GRID2: variants seen among roughly 807,000 people sequenced by gnomAD.
GRID2 encodes glutamate receptor ionotropic, delta-2.
GRID2 carries 33 observed loss-of-function variants against 114.8 expected under a neutral mutation model. The ratio of observed to expected loss-of-function variants is 0.29; its 90% confidence interval spans 0.22 to 0.38. GRID2 has a LOEUF of 0.38. GRID2 is among the 10% of genes least tolerant of loss of function. The probability of loss-of-function intolerance (pLI) is 1.00; values close to 1 mark genes in which losing one functional copy is unlikely to be tolerated. For synonymous variants in GRID2, 505 were observed against 449.9 expected, an observed-to-expected ratio of 1.12 and a Z score of -1.55; for missense variants, 1,184 against 1,257.7, an observed-to-expected ratio of 0.94 and a Z score of 0.89.
intron 13 of GRID2, among the ~76,000 whole-genome samples, chr4:93,566,829 A>AT (rs750553700): frequency 6.6e-6 from 1 of 152,242 alleles, no homozygotes; most frequent in East Asian, 1.9e-4. Context: ...CAAAGAATGA[A>AT]TTTTTTTATA....
At chr4:92,596,631 C>T (rs767084812) in intron 2 of GRID2, among the ~76,000 whole-genome samples, 3 of 151,414 alleles carry the variant, frequency 2.0e-5, no homozygotes, top group Non-Finnish European at 4.4e-5. Context: ...TAGTGTCCAT[C>T]ATCAATGTAG....
At chr4:92,331,728 G>A (rs1346699730) in intron 1 of GRID2, among the ~76,000 whole-genome samples, 1 of 152,118 alleles carries the variant, frequency 6.6e-6, no homozygotes, top group African/African-American at 2.4e-5. Flanking sequence ...ACATAACACT[G>A]TAATCTTCTA....
chr4:92,646,708 T>G (rs1353011658), intron 2 of GRID2, among the ~76,000 whole-genome samples: 1 of 152,238 alleles, frequency 6.6e-6, no homozygotes, highest in Non-Finnish European at 1.5e-5. Flanking sequence ...AAAACTATTT[T>G]CATGGTGTCT....
intron 14 of GRID2, among the ~76,000 whole-genome samples, chr4:93,748,142 C>T (rs1433336875): frequency 6.6e-6 from 1 of 151,830 alleles, no homozygotes; most frequent in Non-Finnish European, 1.5e-5. Context: ...TAAAATTAAC[C>T]ATAATTTCAC....
intron 2 of GRID2, among the ~76,000 whole-genome samples, chr4:92,951,374 C>T (rs1474310384): frequency 2.7e-5 from 4 of 146,600 alleles, no homozygotes. Context: ...TATTTTGAGA[C>T]AGGATCTCAC....
intron 12 of GRID2, among the ~76,000 whole-genome samples, chr4:93,513,699 A>G (rs1372050241): frequency 9.2e-5 from 14 of 152,192 alleles, no homozygotes; most frequent in African/African-American, 4.8e-5. Flanking sequence ...GGTAGTTTCC[A>G]TGGAGTAAAT....
At chr4:92,989,053 A>G (rs1404287841) in intron 2 of GRID2, among the ~76,000 whole-genome samples, 5 of 152,118 alleles carry the variant, frequency 3.3e-5, no homozygotes, top group African/African-American at 1.2e-4. Flanking sequence ...CGAAGCGGGC[A>G]GATCACGAGG....
chr4:93,088,105 A>G (rs993538565), intron 3 of GRID2, among the ~76,000 whole-genome samples: 2 of 152,182 alleles, frequency 1.3e-5, no homozygotes, highest in African/African-American at 4.8e-5. Context: ...AGACTTCTAT[A>G]TCAAGTTAAT....
intron 14 of GRID2, among the ~76,000 whole-genome samples, chr4:93,735,357 T>C (rs987816842): frequency 6.6e-6 from 1 of 152,022 alleles, no homozygotes; most frequent in Non-Finnish European, 1.5e-5. Context: ...TTCTGTACTG[T>C]ATACAACCTA....
chr4:93,297,798 A>C (rs1754474342), intron 8 of GRID2, among the ~76,000 whole-genome samples: 1 of 152,144 alleles, frequency 6.6e-6, no homozygotes, highest in Admixed American at 6.5e-5. Flanking sequence ...TTTATACATA[A>C]ATATTATTCT....
intron 9 of GRID2, among the ~76,000 whole-genome samples, chr4:93,403,796 A>G (rs1766146704): frequency 6.6e-6 from 1 of 152,096 alleles, no homozygotes; most frequent in Admixed American, 6.6e-5. Context: ...AAATGGTACG[A>G]CTCCTTCAGA....
At chr4:93,118,583 C>T (rs1426917540) in intron 4 of GRID2, among the ~76,000 whole-genome samples, 1 of 152,176 alleles carries the variant, frequency 6.6e-6, no homozygotes, top group Admixed American at 6.5e-5. Context: ...TGCACCTCTG[C>T]AGATTGTAGA....
chr4:92,589,951 AC>A (rs758200773), intron 1 of GRID2, among the ~76,000 whole-genome samples, 179 bp from the exon 2 acceptor site: 3 of 152,206 alleles, frequency 2.0e-5, no homozygotes, highest in Non-Finnish European at 4.4e-5. Flanking sequence ...GGAAGAAGTA[AC>A]TATATTCCTT....
rs533194097 is a variant in GRID2, at chr4:93,679,333, G to A, written c.2360+52898G>A. On this transcript the variant is annotated intron_variant, in intron 14 of 15. Transcript: ENST00000282020. ...GACTCCCACCCAATAATAATGGGAGGCTTTAACACCCCACTGTCAACATTA... is the reference window on the plus strand; with the variant it reads ...GACTCCCACCCAATAATAATGGGAGACTTTAACACCCCACTGTCAACATTA... Among the ~76,000 whole-genome samples the A allele has an allele frequency of 7.3e-5, 11 of 150,714 alleles. No homozygotes were observed. In the South Asian group the frequency reaches 1.0e-3, roughly 14 times the overall value.
chr4:92,359,394 T>C (rs1728501895), intron 1 of GRID2, among the ~76,000 whole-genome samples: 1 of 152,020 alleles, frequency 6.6e-6, no homozygotes, highest in African/African-American at 2.4e-5. Context: ...AATGATTGCA[T>C]GAATGTTGGC....
At chr4:92,841,026 T>A (rs928099203) in intron 2 of GRID2, among the ~76,000 whole-genome samples, 7 of 152,064 alleles carry the variant, frequency 4.6e-5, no homozygotes, top group African/African-American at 1.7e-4. Flanking sequence ...TTCCAAGATC[T>A]GCTCTGGTCT....
intron 3 of GRID2, among the ~76,000 whole-genome samples, chr4:93,099,565 G>A (rs544622434): frequency 6.6e-6 from 1 of 151,462 alleles, no homozygotes; most frequent in Admixed American, 6.6e-5. Context: ...CAGTATGCTG[G>A]GTAGATATGT....
At position 93,626,400 on chromosome 4, in the gene GRID2, A is replaced by G. The variant is rs139320203; in HGVS notation, c.2325A>G (p.Gln775=). The change falls in exon 14 of 16, where the codon CAA becomes CAG. Residue 775 remains glutamine (Q), a synonymous_variant. Transcript: ENST00000282020. ...ATCGGGGATATGGAATTGCATTACA[A>G]CATGGCAGTCCTTACCGAGATGTTT... ...VADRGYGIAL[Q]HGSPYRDVFS... is the part of the protein sequence containing the mutation. 88 of 1,611,790 alleles carry G rather than the reference A, an allele frequency of 5.5e-5. No individual in the cohort carries two copies. The African/African-American group carries it at 8.3e-4, about 15-fold the overall frequency.
At chr4:93,350,527 G>T (rs757488520) in intron 8 of GRID2, among the ~76,000 whole-genome samples, 5 of 151,952 alleles carry the variant, frequency 3.3e-5, no homozygotes, top group Non-Finnish European at 7.4e-5. Flanking sequence ...TATTTTGTAG[G>T]GGAATCAGCA....
Sources: allele counts gnomAD v4.1 joint callset (sites outside exome capture counted in the v4.1 genomes callset), GRCh38; gene constraint gnomAD v4.1.1; transcripts MANE v1.5; gene names NCBI Gene and HGNC (gene_info 2026-07-23, HGNC 2026-07-21).